The following MIB1 variants were observed in gnomAD, a reference collection of about 807,000 sequenced individuals.
MIB1 encodes E3 ubiquitin-protein ligase MIB1.
Under a neutral mutation model 124.5 loss-of-function variants are expected in MIB1, and 278 were observed. The ratio of observed to expected loss-of-function variants is 2.23; its 90% CI spans 2.02 to 2.47. The LOEUF (loss-of-function observed/expected upper bound fraction) is 2.47, where lower values mean the gene tolerates loss of function less well. Among genes scored for constraint, MIB1 ranks in the 30% most tolerant of loss-of-function variants. The pLI is 0.00. For synonymous variants in MIB1, 446 were observed against 429.4 expected, an observed-to-expected ratio of 1.04 and a Z score of -0.48; for missense variants, 957 against 1,254.4, an observed-to-expected ratio of 0.76 and a Z score of 3.58.
intron 6 of MIB1, among the ~76,000 whole-genome samples, chr18:21,786,752 A>G (rs2041440303): frequency 1.3e-5 from 2 of 152,180 alleles, no homozygotes; most frequent in Non-Finnish European, 2.9e-5. Context: ...TCATTTCAAC[A>G]GATACATTTC....
chr18:21,797,192 A>T (rs1328272789), intron 7 of MIB1, among the ~76,000 whole-genome samples: 1 of 152,160 alleles, frequency 6.6e-6, no homozygotes, highest in Non-Finnish European at 1.5e-5. Context: ...TTGGAGGTAC[A>T]TACTGAAATA....
intron 6 of MIB1, among the ~76,000 whole-genome samples, chr18:21,786,581 T>G (rs1278704942): frequency 6.6e-6 from 1 of 152,136 alleles, no homozygotes; most frequent in Non-Finnish European, 1.5e-5. Context: ...ATTGACTCAG[T>G]TTTGCTTTTT....
chr18:21,751,738 C>T (rs528252019), intron 1 of MIB1, among the ~76,000 whole-genome samples: 1 of 151,986 alleles, frequency 6.6e-6, no homozygotes, highest in South Asian at 2.1e-4. Flanking sequence ...TAGTTTGAGT[C>T]CTTGCAGGCC....
At chr18:21,722,522 C>T (rs1568176187) in intron 1 of MIB1, among the ~76,000 whole-genome samples, 1 of 151,908 alleles carries the variant, frequency 6.6e-6, no homozygotes, top group Non-Finnish European at 1.5e-5. Flanking sequence ...AGGCGCCTGC[C>T]ACCACACCCT....
At chr18:21,787,205 G>T (rs1191363856) in intron 6 of MIB1, among the ~76,000 whole-genome samples, 1 of 152,108 alleles carries the variant, frequency 6.6e-6, no homozygotes, top group African/African-American at 2.4e-5. Flanking sequence ...TTGGAACTCT[G>T]TTCATCCTGA....
At chr18:21,773,877 A>G (rs1167182596) in intron 4 of MIB1, 149 bp downstream of exon 4, 1 of 536,748 alleles carries the variant, frequency 1.9e-6, no homozygotes, top group African/African-American at 2.0e-5. Flanking sequence ...AATAGTAAAT[A>G]TGATTTGCCT....
At chr18:21,851,591 G>A (rs1172434267) in intron 17 of MIB1, among the ~76,000 whole-genome samples, 6 of 152,166 alleles carry the variant, frequency 3.9e-5, no homozygotes, top group Admixed American at 6.5e-5. Flanking sequence ...TTGGAGGGAG[G>A]TATAAACAAG....
Position 21,846,675 on chromosome 18 carries a change from C to T in MIB1, c.2212-269C>T, listed in dbSNP as rs16947345. Among the ~76,000 whole-genome samples the T allele has an allele frequency of 0.025, 3,877 of 152,190 alleles. 269 individuals carry two copies. The highest frequency in any genetic ancestry group is 0.19 in the East Asian group (985 of 5,176). ...CTTGATTTGTGTTATGTGTCCATCCCGGTTCTAGCCATATAGGTAAGGTAG... is the reference window on the plus strand; with the variant it reads ...CTTGATTTGTGTTATGTGTCCATCCTGGTTCTAGCCATATAGGTAAGGTAG... On this transcript the variant is annotated intron_variant, in intron 15 of 20. Coordinates refer to ENST00000261537, the MANE Select transcript of MIB1 (RefSeq NM_020774.4).
At chr18:21,814,054 GGCA>G in intron 10 of MIB1, among the ~76,000 whole-genome samples, 1 of 152,246 alleles carries the variant, frequency 6.6e-6, no homozygotes, top group Non-Finnish European at 1.5e-5. Context: ...GCGCAGTGCA[GGCA>G]GTTTTTCCCC....
At chr18:21,799,465 C>G (rs1375903881) in intron 8 of MIB1, among the ~76,000 whole-genome samples, 1 of 151,940 alleles carries the variant, frequency 6.6e-6, no homozygotes, top group Non-Finnish European at 1.5e-5. Flanking sequence ...TAGTATTGAG[C>G]TCTGAGAGTC....
chr18:21,765,808 G>A lies in MIB1; in HGVS notation c.266G>A (p.Arg89His), dbSNP rs752605883. The A allele has an allele frequency of 8.7e-6, 14 of 1,614,024 alleles. No homozygotes were observed. The highest frequency in any genetic ancestry group is 2.2e-5 in the East Asian group (1 of 44,870). ...KHDGTMCDTC[R>H]QQPIIGIRWK... ...GATGGAACCATGTGTGATACCTGCC[G>A]CCAGCAACCAATCATTGGCATTCGA... Residue 89 changes from arginine (R) to histidine (H), a missense_variant, in exon 2 of 21, where the codon CGC becomes CAC. By Grantham distance (29) the Arg-to-His change is conservative (BLOSUM62 0). Transcript: ENST00000261537.
At chr18:21,829,747 TAAATAC>T (rs2041961585) in intron 12 of MIB1, among the ~76,000 whole-genome samples, 3 of 152,112 alleles carry the variant, frequency 2.0e-5, no homozygotes, top group Non-Finnish European at 4.4e-5. Context: ...CTCTTTGGGT[TAAATAC>T]AAATATGAGT....
chr18:21,775,256 T>C (rs2041270660), intron 4 of MIB1, among the ~76,000 whole-genome samples: 1 of 152,134 alleles, frequency 6.6e-6, no homozygotes, highest in Non-Finnish European at 1.5e-5. Flanking sequence ...TATTTATTTT[T>C]AGAGACAGGG....
At chr18:21,861,448 G>A (rs62090826) in intron 20 of MIB1, among the ~76,000 whole-genome samples, 51,623 of 151,644 alleles carry the variant, frequency 0.34, 10,977 homozygotes, top group East Asian at 0.49. Flanking sequence ...AACATGAATA[G>A]TGACATTTAT....
At chr18:21,767,391 C>T (rs1352450253) in intron 2 of MIB1, among the ~76,000 whole-genome samples, 3 of 152,152 alleles carry the variant, frequency 2.0e-5, no homozygotes, top group Non-Finnish European at 2.9e-5. Flanking sequence ...ATCAAGAGAA[C>T]AGCATGGAGG....
At chr18:21,859,886 CAAAAAAAAAAAAAA>C (rs934260189) in intron 20 of MIB1, among the ~76,000 whole-genome samples, 5 of 28,416 alleles carry the variant, frequency 1.8e-4, no homozygotes, top group African/African-American at 5.4e-4. Context: ...GAGACTGTCT[CAAAAAAAAAAAAAA>C]AAAAAAAAAA....
chr18:21,711,718 A>T (rs903992807), intron 1 of MIB1, among the ~76,000 whole-genome samples: 2 of 151,858 alleles, frequency 1.3e-5, no homozygotes, highest in African/African-American at 4.8e-5. Context: ...TTTTTTGACA[A>T]GGTTTTGCTC....
intron 3 of MIB1, among the ~76,000 whole-genome samples, chr18:21,770,502 T>A (rs1305076521): frequency 6.6e-6 from 1 of 152,112 alleles, no homozygotes; most frequent in Non-Finnish European, 1.5e-5. Context: ...TAATATATAT[T>A]AGAGATGGAG....
At chr18:21,707,330 C>T (rs1333977008) in intron 1 of MIB1, among the ~76,000 whole-genome samples, 2 of 152,060 alleles carry the variant, frequency 1.3e-5, no homozygotes, top group Admixed American at 6.6e-5. Flanking sequence ...GACCAGTCAG[C>T]TCTCTGTAAA....
Sources: gnomAD v4.1 joint callset for allele counts (sites outside exome capture counted in the v4.1 genomes callset) on GRCh38, gnomAD v4.1.1 for gene constraint, MANE v1.5 for transcripts, NCBI Gene and HGNC (gene_info 2026-07-23, HGNC 2026-07-21) for gene names.